PIGQ: variants seen among roughly 807,000 people sequenced by gnomAD.
PIGQ encodes the protein phosphatidylinositol glycan anchor biosynthesis class Q, also known as phosphatidylinositol N-acetylglucosaminyltransferase subunit Q.
In PIGQ, 54 loss-of-function variants were observed where a neutral mutation model predicts 60.3. The ratio of observed to expected loss-of-function variants is 0.90; its 90% CI spans 0.72 to 1.12. The LOEUF is 1.12. PIGQ is among the 50% of genes most tolerant of loss of function. The probability of loss-of-function intolerance (pLI) is 0.00; values close to 1 mark genes in which losing one functional copy is unlikely to be tolerated. For missense variants in PIGQ, 799 were observed against 793.5 expected, an observed-to-expected ratio of 1.01 and a Z score of -0.08; for synonymous variants, 416 against 363.7, an observed-to-expected ratio of 1.14 and a Z score of -1.64.
intron 1 of PIGQ, 88 bp from the exon 2 acceptor site, chr16:573,978 A>G: frequency 1.1e-6 from 1 of 906,812 alleles, no homozygotes; most frequent in South Asian, 1.7e-5. Flanking sequence ...CTGTGGCTGC[A>G]CCTGTCAGGC....
rs33997204 is a variant in PIGQ at position 574,503 on chromosome 16, G to A, written c.429G>A (p.Leu143=). ...QRQVLLSQLH[L]PTVLPDRQAG... ...AGGTGTTGCTGTCACAGCTACACCT[G>A]CCCACCGTCCTGCCCGACCGCCAGG... Residue 143 remains leucine, a synonymous_variant, in exon 2 of 11, where the codon CTG becomes CTA. Coordinates refer to ENST00000321878, the MANE Select transcript of PIGQ (RefSeq NM_004204.5). 316 of 1,607,620 alleles carry A rather than the reference G, an allele frequency of 2.0e-4. No homozygotes were observed. In the Middle Eastern group the frequency reaches 2.5e-3, roughly 13 times the overall value.
chr16:582,410 C>T (rs552109014), intron 10 of PIGQ, 101 bp downstream of exon 10: 15 of 849,726 alleles, frequency 1.8e-5, no homozygotes, highest in African/African-American at 6.7e-5. Flanking sequence ...CGCCAGCCTG[C>T]GATGAGGTAC....
chr16:581,719 C>A (rs879640573), intron 9 of PIGQ: 2 of 164,584 alleles, frequency 1.2e-5, no homozygotes, highest in Non-Finnish European at 2.6e-5. Context: ...ACCTCAGCCT[C>A]CCAAAGTGCT....
At position 576,252 on chromosome 16, in the gene PIGQ, G is replaced by T; in HGVS notation, c.940G>T (p.Asp314Tyr). ...GGCCGACGCCCTCGTTCCTGTGGCTGACGTGAGTGGACTGGGGTGGAGCCC... is the reference window on the plus strand; with the variant it reads ...GGCCGACGCCCTCGTTCCTGTGGCTTACGTGAGTGGACTGGGGTGGAGCCC... ...HLADALVPVA[D>Y]HVAEELQHLL... Residue 314 changes from aspartate to tyrosine, a missense_variant and splice_region_variant, in exon 4 of 11, where the codon GAC becomes TAC. Coordinates refer to ENST00000321878, the MANE Select transcript of PIGQ (RefSeq NM_004204.5). 1 of 1,555,116 alleles carries T rather than the reference G, an allele frequency of 6.4e-7. No homozygotes were observed. The highest frequency in any genetic ancestry group is 8.7e-7 in the Non-Finnish European group (1 of 1,149,852).
chr16:580,483 G>A, intron 8 of PIGQ: 1 of 553,112 alleles, frequency 1.8e-6, no homozygotes, highest in South Asian at 2.5e-5. Context: ...ACGCAGCTGG[G>A]TGCGTGGTGG....
chr16:576,374 C>G (rs1055330440), intron 4 of PIGQ, 120 bp downstream of exon 4: 12 of 1,183,730 alleles, frequency 1.0e-5, no homozygotes, highest in Middle Eastern at 2.9e-4. Context: ...TCTCCATGCT[C>G]TGGAGACACG....
At position 576,237 on chromosome 16, in the gene PIGQ, C is replaced by G. The variant is rs145216283; in HGVS notation, c.925C>G (p.Leu309Val). ...CCGCATCGGGCATCTGGCCGACGCC[C>G]TCGTTCCTGTGGCTGACGTGAGTGG... Reference protein sequence around the residue: ...RSRIGHLADALVPVADHVAEE... With the variant: ...RSRIGHLADAVVPVADHVAEE... Residue 309 changes from leucine (L) to valine (V), a missense_variant, in exon 4 of 11, where the codon CTC (leucine) becomes GTC (valine). Physicochemically the swap from Leu to Val is conservative, Grantham distance 32 (BLOSUM62 1). Transcript: ENST00000321878. 2,837 of 1,554,050 alleles carry G rather than the reference C, an allele frequency of 1.8e-3. 3 individuals are homozygous for G. Among genetic ancestry groups the G allele is most frequent in the Non-Finnish European group, 2.3e-3 (2,606 of 1,149,028 alleles).
intron 10 of PIGQ, 174 bp from the exon 11 acceptor site, chr16:582,709 C>T: frequency 1.3e-6 from 1 of 745,036 alleles, no homozygotes; most frequent in Non-Finnish European, 2.2e-6. Flanking sequence ...CCAGCGCTCC[C>T]TTCTGGCTGC....
At position 583,455 on chromosome 16, in the gene PIGQ, G is replaced by A. The variant is rs762203938; in HGVS notation, c.*420G>A. ...CTCTGCCCTGGCTGTGGGGGTGGAG[G>A]GACCTTGCCAGGATGAACCCCCCAG... On this transcript the variant is annotated 3_prime_UTR_variant, in exon 11 of 11. Coordinates refer to ENST00000321878, the MANE Select transcript of PIGQ (RefSeq NM_004204.5). The A allele has an allele frequency of 3.1e-6, 5 of 1,612,558 alleles. No homozygotes were observed. Among genetic ancestry groups the A allele is most frequent in the Non-Finnish European group, 4.2e-6 (5 of 1,179,934 alleles).
At position 580,951 on chromosome 16, in the gene PIGQ, T is replaced by C; in HGVS notation, c.1510T>C (p.Cys504Arg). The C allele has an allele frequency of 6.2e-7, 1 of 1,609,974 alleles. No individual in the cohort carries two copies. The highest frequency in any genetic ancestry group is 8.5e-7 in the Non-Finnish European group (1 of 1,177,718). ...GCTGTACTCACTGGGTCTTCGGCTC[T>C]GCCGGCCCTACAGGCTGGCGGGTAA... ...LPLYSLGLRL[C>R]RPYRLAAGVK... The change falls in exon 9 of 11, where the codon TGC becomes CGC. Residue 504 changes from cysteine (C) to arginine (R), a missense_variant. By Grantham distance (180) the Cys-to-Arg change is radical. Coordinates refer to ENST00000321878, the MANE Select transcript of PIGQ (RefSeq NM_004204.5).
intron 9 of PIGQ, chr16:581,190 G>A (rs2035803911): frequency 7.0e-7 from 1 of 1,434,678 alleles, no homozygotes; most frequent in African/African-American, 1.4e-5. Flanking sequence ...AGACTCACCT[G>A]CCGCGCAGGT....
Position 583,751 on chromosome 16 carries a change from C to A in PIGQ, c.*716C>A. 1.6e-6 allele frequency: 2 copies of A among 1,227,650 alleles called. No individual in the cohort carries two copies. The highest frequency in any genetic ancestry group is 2.4e-6 in the Non-Finnish European group (2 of 846,552). The allele number at this position is 1,227,650 out of a possible 1,614,324, so 76.0% of individuals were successfully genotyped here. A position where few individuals can be genotyped will look rare whatever the true frequency, so the allele number is the denominator to read the frequency against. ...CCTATTCGTCCACGGTGCCCCGTAG[C>A]AGCAGGTCCTGCGGCCAAATCTGTC... On this transcript the variant is annotated 3_prime_UTR_variant, in exon 11 of 11. Coordinates refer to ENST00000321878, the MANE Select transcript of PIGQ (RefSeq NM_004204.5).
intron 2 of PIGQ, among the ~76,000 whole-genome samples, chr16:575,622 G>T (rs1047769074): frequency 4.6e-5 from 7 of 152,192 alleles, no homozygotes; most frequent in African/African-American, 1.4e-4. Context: ...GTCAGCACCT[G>T]CGAGGAGGCC....
rs1280229193 is a variant in PIGQ, at chr16:576,124, TC to T, written c.822-7del. ...ACCCTCATGCCGGCCGGGCCGGACC[TC>T]CCTTCCAGGAAGGCCAACACGGTGG... On this transcript the variant is annotated splice_polypyrimidine_tract_variant and intron_variant, in intron 3 of 10. Transcript: ENST00000321878. 1 of 1,547,292 alleles carries T rather than the reference TC, an allele frequency of 6.5e-7. No homozygotes were observed. The highest frequency in any genetic ancestry group is 2.0e-5 in the Admixed American group (1 of 50,986).
At chr16:571,700 G>A (rs1167519146) in intron 1 of PIGQ, among the ~76,000 whole-genome samples, 3 of 151,196 alleles carry the variant, frequency 2.0e-5, no homozygotes, top group Non-Finnish European at 2.9e-5. Context: ...GCTATCGATC[G>A]CTTCTCTTTC....
intron 1 of PIGQ, chr16:572,578 G>A (rs1157294127): frequency 4.4e-6 from 2 of 452,442 alleles, no homozygotes; most frequent in Admixed American, 4.8e-5. Flanking sequence ...GATGTGGTGG[G>A]CTCTGAGACC....
At position 582,958 on chromosome 16, in the gene PIGQ, T is replaced by G. The variant is rs772656271; in HGVS notation, c.1669T>G (p.Trp557Gly). The G allele has an allele frequency of 1.9e-6, 3 of 1,612,846 alleles. No homozygotes were observed. In the East Asian group the frequency reaches 6.7e-5, roughly 36 times the overall value. The change falls in exon 11 of 11, where the codon TGG becomes GGG. Residue 557 changes from tryptophan (W) to glycine (G), a missense_variant. Physicochemically the swap from Trp to Gly is radical, Grantham distance 184. Transcript: ENST00000321878. ...PSCGCHPKHS[W>G]GALCRKLFLG... ...CTGTGGCTGCCACCCCAAGCACTCC[T>G]GGGGCGCCCTGTGCCGCAAGCTGTT...
In PIGQ at chr16:580,179, A is replaced by T. The variant is rs532827805; in HGVS notation, c.1336-4A>T. On this transcript the variant is annotated splice_region_variant and splice_polypyrimidine_tract_variant and intron_variant, in intron 7 of 10. Transcript: ENST00000321878. The stretch of plus-strand genomic sequence containing the variant: ...ATGCCCGGTGTGCTGGCCCCTCCCT[A>T]CAGCTGTTCATCGGGACTCTGCTCT... 1 of 1,606,450 alleles carries T rather than the reference A, an allele frequency of 6.2e-7. No individual in the cohort carries two copies. The highest frequency in any genetic ancestry group is 1.1e-5 in the South Asian group (1 of 90,540).
At position 580,089 on chromosome 16, in the gene PIGQ, C is replaced by T. The variant is rs7191939; in HGVS notation, c.1336-94C>T. 437,487 of 943,206 alleles carry T rather than the reference C, an allele frequency of 0.46. 104,852 individuals are homozygous for T. Among genetic ancestry groups the T allele is most frequent in the East Asian group, 0.68 (26,351 of 38,858 alleles). 58.4% of individuals were successfully genotyped at this position (943,206 alleles called of 1,614,324 possible). Reference sequence around the variant, plus strand: ...GTTCCCTCAGGAAGCCGCAAGGTCCCGACTGCAGCTCCGGGATGGGGGAGG... The same window carrying T: ...GTTCCCTCAGGAAGCCGCAAGGTCCTGACTGCAGCTCCGGGATGGGGGAGG... On this transcript the variant is annotated intron_variant, in intron 7 of 10. Coordinates refer to ENST00000321878, the MANE Select transcript of PIGQ (RefSeq NM_004204.5).
Sources: allele counts gnomAD v4.1 joint callset (sites outside exome capture counted in the v4.1 genomes callset), GRCh38; gene constraint gnomAD v4.1.1; transcripts MANE v1.5; gene names NCBI Gene and HGNC (gene_info 2026-07-23, HGNC 2026-07-21).